NBEA: variants seen among roughly 807,000 people sequenced by gnomAD.
NBEA encodes lysosomal-trafficking regulator 2.
A neutral mutation model predicts 343.4 loss-of-function variants in NBEA; 44 were observed. The observed-to-expected ratio is 0.13, with a 90% CI of 0.10 to 0.16. The LOEUF is 0.16. Ranked by LOEUF, NBEA falls within the 10% of genes least tolerant of loss-of-function variation. The pLI, the probability that NBEA is intolerant of heterozygous loss-of-function variation, is 1.00. For missense variants in NBEA, 2,555 were observed against 3,631.3 expected (o/e 0.70, Z 7.62); for synonymous variants, 1,175 against 1,238.7 (o/e 0.95, Z 1.08).
chr13:35,218,628 C>A (rs1211667313), intron 33 of NBEA, among the ~76,000 whole-genome samples: 4 of 151,144 alleles, frequency 2.6e-5, no homozygotes, highest in African/African-American at 9.7e-5. Context: ...TATGATGCTT[C>A]TTACCTATTA....
chr13:35,017,426 A>T (rs578144410), intron 1 of NBEA, among the ~76,000 whole-genome samples: 24 of 152,256 alleles, frequency 1.6e-4, no homozygotes, highest in African/African-American at 5.5e-4. Context: ...CTTTGTGTTC[A>T]TATAAGAAAT....
chr13:35,123,428 GT>G, intron 16 of NBEA, 53 bp from the exon 17 acceptor site: 1 of 995,654 alleles, frequency 1.0e-6, no homozygotes, highest in Non-Finnish European at 1.4e-6. Flanking sequence ...CATGTAGTGT[GT>G]TTTTGTTTTT....
At chr13:35,022,944 G>A (rs1027313366) in intron 1 of NBEA, among the ~76,000 whole-genome samples, 13 of 152,082 alleles carry the variant, frequency 8.5e-5, no homozygotes, top group Admixed American at 5.9e-4. Flanking sequence ...TTATCTAGAA[G>A]AAGATTTATG....
intron 34 of NBEA, among the ~76,000 whole-genome samples, chr13:35,236,619 T>A (rs767764971): frequency 0.03 from 4,568 of 151,076 alleles, 105 homozygotes; most frequent in Non-Finnish European, 0.046. Flanking sequence ...GATATATATT[T>A]TTTTTTTTTT....
At chr13:35,222,721 A>G (rs146606078) in intron 33 of NBEA, among the ~76,000 whole-genome samples, 3 of 152,296 alleles carry the variant, frequency 2.0e-5, no homozygotes, top group African/African-American at 7.2e-5. Flanking sequence ...AGTTTTTAAT[A>G]TTATTACAAA....
chr13:34,965,949 T>G (rs189584568), intron 1 of NBEA, among the ~76,000 whole-genome samples: 2 of 152,214 alleles, frequency 1.3e-5, no homozygotes, highest in East Asian at 3.9e-4. Context: ...GTTGACTGTT[T>G]TGATTTAATA....
In NBEA at chr13:35,148,754, T is replaced by C. The variant is rs2068591941; in HGVS notation, c.2445+6377T>C. Among the ~76,000 whole-genome samples the C allele has an allele frequency of 2.0e-5, 3 of 152,170 alleles. No homozygotes were observed. The South Asian group carries it at 6.2e-4, about 31-fold the overall frequency. On this transcript the variant is annotated intron_variant, in intron 18 of 58. Coordinates refer to ENST00000379939, the MANE Select transcript of NBEA (RefSeq NM_001385012.1). The stretch of plus-strand genomic sequence containing the variant: ...TATCTATAGCTGGGAAGGCAAACTT[T>C]TCTGGTAAAGGGACAGATAGTAATA...
chr13:35,604,279 A>G (rs1433957678), intron 47 of NBEA, among the ~76,000 whole-genome samples: 1 of 152,162 alleles, frequency 6.6e-6, no homozygotes, highest in African/African-American at 2.4e-5. Flanking sequence ...CCCCGTTCAT[A>G]TTGGAGTCAT....
At chr13:35,104,437 T>C (rs2065816151) in intron 11 of NBEA, among the ~76,000 whole-genome samples, 1 of 152,078 alleles carries the variant, frequency 6.6e-6, no homozygotes, top group South Asian at 2.1e-4. Context: ...TTGCTGTATC[T>C]TCAGCACCTA....
intron 49 of NBEA, among the ~76,000 whole-genome samples, chr13:35,645,597 T>G (rs974886750): frequency 3.9e-5 from 6 of 152,174 alleles, no homozygotes; most frequent in Non-Finnish European, 8.8e-5. Context: ...ATTTATTTCT[T>G]TTTTGGGTGA....
chr13:35,531,139 G>C (rs2078243653), intron 41 of NBEA, among the ~76,000 whole-genome samples: 1 of 151,882 alleles, frequency 6.6e-6, no homozygotes, highest in South Asian at 2.1e-4. Flanking sequence ...TTTCTACAGA[G>C]TCATGATTTA....
intron 33 of NBEA, among the ~76,000 whole-genome samples, chr13:35,212,029 A>C (rs2152753691): frequency 6.6e-6 from 1 of 151,724 alleles, no homozygotes; most frequent in South Asian, 2.1e-4. Flanking sequence ...ACACACACGT[A>C]TGTATTCACA....
At chr13:35,181,571 A>T (rs537986770) in intron 28 of NBEA, among the ~76,000 whole-genome samples, 1 of 150,626 alleles carries the variant, frequency 6.6e-6, no homozygotes, top group Non-Finnish European at 1.5e-5. Context: ...TCTTTGTCGG[A>T]TGAATAGATT....
intron 38 of NBEA, among the ~76,000 whole-genome samples, chr13:35,422,551 T>A (rs1026689227): frequency 9.9e-5 from 15 of 152,272 alleles, no homozygotes; most frequent in African/African-American, 3.1e-4. Context: ...TCTATCGTTG[T>A]TGGACATTTG....
chr13:35,358,281 C>G (rs796627959), intron 38 of NBEA, among the ~76,000 whole-genome samples: 1 of 151,676 alleles, frequency 6.6e-6, no homozygotes, highest in Admixed American at 6.6e-5. Flanking sequence ...GCCTCAACCT[C>G]CCACAGTACT....
intron 31 of NBEA, among the ~76,000 whole-genome samples, chr13:35,203,739 A>G (rs1421042158): frequency 2.0e-5 from 3 of 152,320 alleles, no homozygotes; most frequent in South Asian, 2.1e-4. Flanking sequence ...TCAATTTATT[A>G]AAATCATATA....
intron 39 of NBEA, among the ~76,000 whole-genome samples, chr13:35,442,441 G>A (rs192648225): frequency 8.5e-5 from 13 of 152,056 alleles, no homozygotes; most frequent in South Asian, 2.1e-4. Context: ...GTAATATCCC[G>A]TCTAAAATGT....
intron 38 of NBEA, among the ~76,000 whole-genome samples, chr13:35,411,739 C>A (rs118187708): frequency 0.042 from 6,412 of 152,088 alleles, 214 homozygotes; most frequent in East Asian, 0.17. Context: ...CTCAAGCAAT[C>A]CTCCCATCTC....
At chr13:34,970,968 A>G (rs1396705377) in intron 1 of NBEA, among the ~76,000 whole-genome samples, 2 of 152,158 alleles carry the variant, frequency 1.3e-5, no homozygotes, top group African/African-American at 2.4e-5. Flanking sequence ...TTTGGGCAGT[A>G]TGGTCATTTT....
Sources: gnomAD v4.1 joint callset for allele counts (sites outside exome capture counted in the v4.1 genomes callset) on GRCh38, gnomAD v4.1.1 for gene constraint, MANE v1.5 for transcripts, NCBI Gene and HGNC (gene_info 2026-07-23, HGNC 2026-07-21) for gene names.